Variants in RADIL observed in about 807,000 individuals in gnomAD.
The protein encoded by RADIL is Rap associating with DIL domain, also known as ras-associating and dilute domain-containing protein.
Under a neutral mutation model 97.6 loss-of-function variants are expected in RADIL, and 99 were observed. The ratio of observed to expected loss-of-function variants is 1.01; its 90% CI spans 0.86 to 1.20. The LOEUF (loss-of-function observed/expected upper bound fraction) is 1.20, where lower values mean the gene tolerates loss of function less well. Ranked by LOEUF, RADIL falls within the 50% of genes most tolerant of loss-of-function variation. The pLI is 0.00. For missense variants in RADIL, 1,765 were observed against 1,498.9 expected (o/e 1.18, Z -2.93); for synonymous variants, 803 against 691.8 (o/e 1.16, Z -2.52).
intron 5 of RADIL, among the ~76,000 whole-genome samples, chr7:4,831,043 C>A (rs111569817): frequency 9.3e-5 from 14 of 149,992 alleles, no homozygotes; most frequent in Admixed American, 2.0e-4. Flanking sequence ...AATACAAAAT[C>A]AGCTGGGCGT....
Position 4,822,915 on chromosome 7 carries a change from G to A in RADIL, c.1455-361C>T, listed in dbSNP as rs550212051. On this transcript the variant is annotated intron_variant, in intron 5 of 14. Coordinates refer to ENST00000399583, the MANE Select transcript of RADIL (RefSeq NM_018059.5). This position sits in a 1 kb window ranked among gnomAD's most constrained non-coding sequence, Gnocchi z 5.3. ...AATATGTGTGTGTGTGCGTGTATGCGTGCATGGGGGTGGGGGCTGGTCCAT... is the reference window on the plus strand; with the variant it reads ...AATATGTGTGTGTGTGCGTGTATGCATGCATGGGGGTGGGGGCTGGTCCAT... Among the ~76,000 whole-genome samples the A allele has an allele frequency of 9.8e-5, 15 of 152,286 alleles. No homozygotes were observed. The East Asian group carries it at 1.3e-3, about 14-fold the overall frequency.
intron 2 of RADIL, among the ~76,000 whole-genome samples, chr7:4,876,777 C>G (rs913425443): frequency 2.0e-5 from 3 of 152,214 alleles, no homozygotes; most frequent in Non-Finnish European, 4.4e-5. Context: ...TGCCCGTGGC[C>G]AGGCCCTCCT....
rs542575752 is a variant in RADIL, at chr7:4,821,348, C to T, written c.1615+1046G>A. 1.3e-5 allele frequency among the ~76,000 whole-genome samples: 2 copies of T among 152,304 alleles called. No individual in the cohort carries two copies. The highest frequency in any genetic ancestry group is 4.1e-4 in the South Asian group (2 of 4,826). On this transcript the variant is annotated intron_variant, in intron 6 of 14. Transcript: ENST00000399583. The surrounding 1 kb of genome is among the most constrained non-coding windows in gnomAD (Gnocchi z 5.2). ...CCATGAGAGGTCTGGCCCCCAGTTC[C>T]CTGGGCCGGCTCCTCACTTCCGCAG... is the stretch of plus-strand genomic sequence containing the variant.
rs1782840736 is a variant in RADIL, at chr7:4,821,810, C to A, written c.1615+584G>T. 6.6e-6 allele frequency among the ~76,000 whole-genome samples: 1 copy of A among 152,088 alleles called. No individual in the cohort carries two copies. Among genetic ancestry groups the A allele is most frequent in the Admixed American group, 6.5e-5 (1 of 15,278 alleles). On this transcript the variant is annotated intron_variant, in intron 6 of 14. Transcript: ENST00000399583. The surrounding 1 kb of genome is among the most constrained non-coding windows in gnomAD (Gnocchi z 5.2). ...GACGGAGCTTGCAGTGAGCCAAGAT[C>A]GCACCATTGCACTCCAGCCTGGGTG...
chr7:4,805,808 C>A, intron 9 of RADIL, 92 bp from the exon 10 acceptor site: 1 of 1,497,720 alleles, frequency 6.7e-7, no homozygotes, highest in Non-Finnish European at 8.9e-7. Context: ...CTGGGGGTAG[C>A]CAGCTGAGGG....
rs1011908838 is a variant in RADIL at position 4,821,763 on chromosome 7, C to T, written c.1615+631G>A. 6.6e-6 allele frequency among the ~76,000 whole-genome samples: 1 copy of T among 151,908 alleles called. No individual in the cohort carries two copies. The highest frequency in any genetic ancestry group is 1.5e-5 in the Non-Finnish European group (1 of 68,008). On this transcript the variant is annotated intron_variant, in intron 6 of 14. Transcript: ENST00000399583. The surrounding 1 kb of genome is among the most constrained non-coding windows in gnomAD (Gnocchi z 5.2). ...CCCAGGTACTCGGGAGGCTGAGGCA[C>T]GAGAATCGCTTGAACCTGGGAGACG...
At chr7:4,856,573 T>C (rs774570814) in intron 2 of RADIL, among the ~76,000 whole-genome samples, 2 of 152,252 alleles carry the variant, frequency 1.3e-5, no homozygotes, top group Non-Finnish European at 2.9e-5. Flanking sequence ...AATCTCTTAA[T>C]TGTACCAATC....
chr7:4,800,402 G>T (rs945644051), intron 12 of RADIL, 92 bp from the exon 13 acceptor site: 1 of 1,297,660 alleles, frequency 7.7e-7, no homozygotes, highest in Non-Finnish European at 1.0e-6. Flanking sequence ...TCTGTAGGGC[G>T]TCAGGGATGG....
At chr7:4,871,491 G>A (rs550948642) in intron 2 of RADIL, among the ~76,000 whole-genome samples, 6 of 152,276 alleles carry the variant, frequency 3.9e-5, no homozygotes, top group South Asian at 2.1e-4. Context: ...AAGGCGGGAC[G>A]ACAAATGCAA....
chr7:4,806,915 T>C (rs982219629), intron 9 of RADIL, among the ~76,000 whole-genome samples: 1 of 152,194 alleles, frequency 6.6e-6, no homozygotes, highest in African/African-American at 2.4e-5. Flanking sequence ...TACTGATTCT[T>C]GTCTGGAAGC....
intron 11 of RADIL, 76 bp downstream of exon 11, chr7:4,803,470 C>A: frequency 7.6e-7 from 1 of 1,317,568 alleles, no homozygotes. Context: ...TCCCCGGGCA[C>A]CTCGGGGCAC....
rs1420416084 is a variant in RADIL, at chr7:4,819,318, T to A, written c.1616-1967A>T. The stretch of plus-strand genomic sequence containing the variant: ...AACTCCTGACCTCATGTGATCTGCC[T>A]GCCTCGGCCTCCCAAAGTGCGGGGA... On this transcript the variant is annotated intron_variant, in intron 6 of 14. Transcript: ENST00000399583. This position sits in a 1 kb window ranked among gnomAD's most constrained non-coding sequence, Gnocchi z 5.8. 6.6e-6 allele frequency among the ~76,000 whole-genome samples: 1 copy of A among 151,814 alleles called. No individual in the cohort carries two copies. Among genetic ancestry groups the A allele is most frequent in the Non-Finnish European group, 1.5e-5 (1 of 67,954 alleles).
At chr7:4,858,814 T>C (rs1783899065) in intron 2 of RADIL, 1 of 152,420 alleles carries the variant, frequency 6.6e-6, no homozygotes, top group East Asian at 1.9e-4. Flanking sequence ...TTTCACATCA[T>C]GGTTTAGAGA....
At position 4,815,096 on chromosome 7, in the gene RADIL, C is replaced by T. The variant is rs1156678696; in HGVS notation, c.2139+182G>A. On this transcript the variant is annotated intron_variant, in intron 9 of 14. Transcript: ENST00000399583. The surrounding 1 kb of genome is among the most constrained non-coding windows in gnomAD (Gnocchi z 8.0). The stretch of plus-strand genomic sequence containing the variant: ...TCTCAGACATCTTTGGGCCATTATC[C>T]TGTCTACCGCAGGTGGACACAGCCA... Among the ~76,000 whole-genome samples the T allele has an allele frequency of 6.6e-6, 1 of 152,192 alleles. No homozygotes were observed. Among genetic ancestry groups the T allele is most frequent in the Non-Finnish European group, 1.5e-5 (1 of 68,038 alleles).
intron 9 of RADIL, among the ~76,000 whole-genome samples, chr7:4,812,365 C>T (rs1165971501): frequency 6.6e-6 from 1 of 152,070 alleles, no homozygotes; most frequent in African/African-American, 2.4e-5. Flanking sequence ...TGAGTGATGG[C>T]CTCCTTTTTC....
rs573496175 is a variant in RADIL at position 4,817,755 on chromosome 7, CCT to C, written c.1616-406_1616-405del. Among the ~76,000 whole-genome samples, 273 of 152,330 alleles carry C rather than the reference CCT, an allele frequency of 1.8e-3. 2 individuals are homozygous for C. Among genetic ancestry groups the C allele is most frequent in the African/African-American group, 6.2e-3 (259 of 41,578 alleles). The stretch of plus-strand genomic sequence containing the variant: ...GGGTCACAGGACTCTGGCAGCAGCC[CCT>C]GAGTGGCCGCCACTCTGTGGAATCA... On this transcript the variant is annotated intron_variant, in intron 6 of 14. Coordinates refer to ENST00000399583, the MANE Select transcript of RADIL (RefSeq NM_018059.5). This position sits in a 1 kb window ranked among gnomAD's most constrained non-coding sequence, Gnocchi z 8.3.
Position 4,837,774 on chromosome 7 carries a change from T to G in RADIL, c.536-1169A>C, listed in dbSNP as rs1391133835. ...ATATCTCATAAATACAGACACGCTC[T>G]CTAAATGCATGCTCTGGGAAAGCCA... On this transcript the variant is annotated intron_variant, in intron 2 of 14. Transcript: ENST00000399583. This position sits in a 1 kb window ranked among gnomAD's most constrained non-coding sequence, Gnocchi z 5.6. 2.2e-6 allele frequency: 2 copies of G among 920,498 alleles called. No homozygotes were observed. Among genetic ancestry groups the G allele is most frequent in the Admixed American group, 6.2e-5 (1 of 16,162 alleles). The allele number at this position is 920,498 out of a possible 1,614,324, so 57.0% of individuals were successfully genotyped here.
intron 2 of RADIL, among the ~76,000 whole-genome samples, chr7:4,851,825 C>T (rs1374579083): frequency 6.6e-6 from 1 of 152,150 alleles, no homozygotes; most frequent in African/African-American, 2.4e-5. Context: ...TGCCAAAAGT[C>T]AGAAATGGCT....
intron 5 of RADIL, among the ~76,000 whole-genome samples, chr7:4,831,132 C>T (rs886432036): frequency 2.7e-5 from 4 of 149,352 alleles, no homozygotes; most frequent in Admixed American, 6.7e-5. Flanking sequence ...TGGAGGTTGC[C>T]GTGAGCCGAG....
Sources: gnomAD v4.1 joint callset for allele counts (sites outside exome capture counted in the v4.1 genomes callset) on GRCh38, gnomAD v4.1.1 for gene constraint, Gnocchi (gnomAD v3.1) non-coding constraint, MANE v1.5 for transcripts, NCBI Gene and HGNC (gene_info 2026-07-23, HGNC 2026-07-21) for gene names.